The following TRPM3 variants were observed in gnomAD, a reference collection of about 807,000 sequenced individuals.
TRPM3 encodes long transient receptor potential channel 3.
A neutral mutation model predicts 181.2 loss-of-function variants in TRPM3; 77 were observed. That is an observed-to-expected ratio of 0.42 (90% confidence interval 0.35 to 0.51). The LOEUF (loss-of-function observed/expected upper bound fraction) is 0.51. TRPM3 is among the 20% of genes least tolerant of loss of function. The pLI, the probability that TRPM3 is intolerant of heterozygous loss-of-function variation, is 0.01. For synonymous variants in TRPM3, 745 were observed against 796.4 expected (o/e 0.94, Z 1.09); for missense variants, 1,759 against 2,196.7 (o/e 0.80, Z 3.98).
At chr9:71,286,610 G>GA (rs1257355873) in intron 1 of TRPM3, among the ~76,000 whole-genome samples, 1 of 152,046 alleles carries the variant, frequency 6.6e-6, no homozygotes, top group African/African-American at 2.4e-5. Flanking sequence ...GTTAGCAATG[G>GA]AAAACCCATA....
chr9:71,440,858 A>G (rs1273435592), intron 1 of TRPM3, among the ~76,000 whole-genome samples: 1 of 152,226 alleles, frequency 6.6e-6, no homozygotes, highest in Non-Finnish European at 1.5e-5. Context: ...CACATGGAAG[A>G]CCATCACAGC....
intron 2 of TRPM3, among the ~76,000 whole-genome samples, chr9:70,864,217 T>C (rs2095588420): frequency 6.6e-6 from 1 of 152,096 alleles, no homozygotes; most frequent in Non-Finnish European, 1.5e-5. Flanking sequence ...CAATGGTATA[T>C]ATGTTTTTCT....
intron 5 of TRPM3, among the ~76,000 whole-genome samples, chr9:70,833,997 A>AG (rs1372841797): frequency 6.6e-6 from 1 of 152,176 alleles, no homozygotes; most frequent in East Asian, 1.9e-4. Flanking sequence ...ATGAAAAAAA[A>AG]GAAAGGATCT....
chr9:71,320,957 C>G (rs1240656886), intron 1 of TRPM3, among the ~76,000 whole-genome samples: 1 of 152,072 alleles, frequency 6.6e-6, no homozygotes, highest in African/African-American at 2.4e-5. Flanking sequence ...TCATCCTCCT[C>G]CCACATCGAA....
intron 1 of TRPM3, among the ~76,000 whole-genome samples, chr9:71,405,137 A>G (rs2093413380): frequency 6.6e-6 from 1 of 152,234 alleles, no homozygotes; most frequent in Non-Finnish European, 1.5e-5. Flanking sequence ...CATACGAATT[A>G]TCAGTAAATA....
chr9:71,345,871 A>T (rs79568566), intron 1 of TRPM3, among the ~76,000 whole-genome samples: 13,489 of 152,218 alleles, frequency 0.089, 1,000 homozygotes, highest in African/African-American at 0.2. Context: ...TACACCACAC[A>T]TCCGCTAGAA....
intron 1 of TRPM3, among the ~76,000 whole-genome samples, chr9:71,201,685 A>G (rs1428972553): frequency 6.6e-6 from 1 of 152,018 alleles, no homozygotes; most frequent in African/African-American, 2.4e-5. Context: ...AGGCTTCTGC[A>G]TTCTTCATGT....
intron 1 of TRPM3, among the ~76,000 whole-genome samples, chr9:70,865,899 C>G (rs1214186509): frequency 6.6e-6 from 1 of 152,064 alleles, no homozygotes; most frequent in East Asian, 1.9e-4. Flanking sequence ...GCCTCAGAGA[C>G]CCTCAGGTCC....
intron 1 of TRPM3, among the ~76,000 whole-genome samples, chr9:71,031,713 C>T (rs1473595667): frequency 1.3e-5 from 2 of 151,112 alleles, no homozygotes; most frequent in Non-Finnish European, 3.0e-5. Context: ...GTAAAAATCT[C>T]AACTTCAGGG....
intron 1 of TRPM3, among the ~76,000 whole-genome samples, chr9:71,264,680 TA>T (rs2083271601): frequency 6.6e-6 from 1 of 152,114 alleles, no homozygotes; most frequent in Non-Finnish European, 1.5e-5. Flanking sequence ...AAACCAAGAC[TA>T]GGAAAATCTA....
At chr9:71,108,665 A>G (rs1007166023) in intron 1 of TRPM3, among the ~76,000 whole-genome samples, 18 of 152,190 alleles carry the variant, frequency 1.2e-4, no homozygotes, top group Admixed American at 1.2e-3. Context: ...TACAAAGAAA[A>G]GTATAAAGTA....
Position 70,617,820 on chromosome 9 carries a change from C to G in TRPM3, c.2358+1047G>C, listed in dbSNP as rs549924502. ...TCTGTACTAGAAATACAAAAATTAG[C>G]CAGGCATGGTGGCTTGTGCCTATAA... is the stretch of plus-strand genomic sequence containing the variant. On this transcript the variant is annotated intron_variant, in intron 17 of 25. Coordinates refer to ENST00000677713, the MANE Select transcript of TRPM3 (RefSeq NM_001366145.2). Among the ~76,000 whole-genome samples the G allele has an allele frequency of 1.4e-4, 21 of 152,204 alleles. 1 individual carries two copies. In the East Asian group the frequency reaches 4.1e-3, roughly 29 times the overall value.
chr9:70,892,488 T>C (rs2096221481), intron 1 of TRPM3, among the ~76,000 whole-genome samples: 1 of 152,026 alleles, frequency 6.6e-6, no homozygotes, highest in African/African-American at 2.4e-5. Flanking sequence ...GAAAGAATAA[T>C]GTGGTTTAAC....
At chr9:70,573,740 G>T (rs1227804991) in intron 22 of TRPM3, among the ~76,000 whole-genome samples, 1 of 152,114 alleles carries the variant, frequency 6.6e-6, no homozygotes, top group African/African-American at 2.4e-5. Flanking sequence ...TGGGGGCCAT[G>T]CTGCCCATCA....
chr9:70,756,204 T>C, intron 8 of TRPM3, among the ~76,000 whole-genome samples: 1 of 151,650 alleles, frequency 6.6e-6, no homozygotes, highest in East Asian at 1.9e-4. Flanking sequence ...TAATCTCTGA[T>C]AAAACAGACT....
chr9:71,132,329 C>T (rs1179107780), intron 1 of TRPM3, among the ~76,000 whole-genome samples: 1 of 152,128 alleles, frequency 6.6e-6, no homozygotes, highest in African/African-American at 2.4e-5. Context: ...GAACCACACA[C>T]TGAGCATTAT....
intron 17 of TRPM3, 84 bp from the exon 18 acceptor site, chr9:70,616,159 G>T: frequency 9.1e-7 from 1 of 1,094,780 alleles, no homozygotes; most frequent in Non-Finnish European, 1.3e-6. Flanking sequence ...AGAGCCTGAG[G>T]TATGGGGTAT....
intron 1 of TRPM3, among the ~76,000 whole-genome samples, chr9:70,922,440 G>C (rs181910147): frequency 6.6e-6 from 1 of 152,156 alleles, no homozygotes; most frequent in Admixed American, 6.5e-5. Context: ...TTATTGAATT[G>C]CACACTCAAA....
At chr9:71,225,428 C>G (rs1391025937) in intron 1 of TRPM3, among the ~76,000 whole-genome samples, 2 of 151,792 alleles carry the variant, frequency 1.3e-5, no homozygotes, top group African/African-American at 4.8e-5. Context: ...TCCAGACAAA[C>G]AAAAGCTAAT....
Sources: gnomAD v4.1 joint callset for allele counts (sites outside exome capture counted in the v4.1 genomes callset) on GRCh38, gnomAD v4.1.1 for gene constraint, MANE v1.5 for transcripts, NCBI Gene and HGNC (gene_info 2026-07-23, HGNC 2026-07-21) for gene names.